ADIPOR2: variants seen among roughly 807,000 people sequenced by gnomAD.
ADIPOR2 encodes the protein adiponectin receptor protein 2.
In ADIPOR2, 18 loss-of-function variants were observed where a neutral mutation model predicts 40.9. The ratio of observed to expected loss-of-function variants is 0.44; its 90% CI spans 0.30 to 0.65. The LOEUF (loss-of-function observed/expected upper bound fraction) is 0.65. ADIPOR2 is among the 30% of genes least tolerant of loss of function. The pLI is 0.09. For missense variants in ADIPOR2, 283 were observed against 479.2 expected (o/e 0.59, Z 3.82); for synonymous variants, 165 against 166.4 (o/e 0.99, Z 0.06).
At chr12:1,695,656 T>TC in intron 1 of ADIPOR2, among the ~76,000 whole-genome samples, 1 of 98,808 alleles carries the variant, frequency 1.0e-5, no homozygotes, top group South Asian at 3.5e-4. Flanking sequence ...GGAGCAAAAC[T>TC]CCATCTCAAA....
At chr12:1,725,812 G>A (rs1436520053) in intron 1 of ADIPOR2, among the ~76,000 whole-genome samples, 1 of 152,096 alleles carries the variant, frequency 6.6e-6, no homozygotes, top group African/African-American at 2.4e-5. Flanking sequence ...GTCTTGGTGA[G>A]AAGTTCAATT....
intron 6 of ADIPOR2, among the ~76,000 whole-genome samples, chr12:1,783,663 C>T (rs933119106): frequency 6.6e-6 from 1 of 152,148 alleles, no homozygotes; most frequent in African/African-American, 2.4e-5. Context: ...CCGGCTGGCT[C>T]CTTGCATTTG....
chr12:1,691,540 C>T (rs2094627033), intron 1 of ADIPOR2, among the ~76,000 whole-genome samples: 1 of 152,238 alleles, frequency 6.6e-6, no homozygotes, highest in Non-Finnish European at 1.5e-5. Context: ...CTCCAGCTCC[C>T]TGCCCGCGGA....
At chr12:1,746,505 C>CA (rs879935639) in intron 1 of ADIPOR2, among the ~76,000 whole-genome samples, 6 of 151,006 alleles carry the variant, frequency 4.0e-5, no homozygotes, top group Non-Finnish European at 5.9e-5. Flanking sequence ...AAACAAAAAA[C>CA]AAAAAAAACC....
chr12:1,725,317 T>C (rs2154442315), intron 1 of ADIPOR2, among the ~76,000 whole-genome samples: 1 of 109,910 alleles, frequency 9.1e-6, no homozygotes, highest in East Asian at 2.4e-4. Context: ...GGGGTTTCAC[T>C]ATATGTTGGC....
At chr12:1,721,736 G>A (rs2094698319) in intron 1 of ADIPOR2, among the ~76,000 whole-genome samples, 1 of 152,178 alleles carries the variant, frequency 6.6e-6, no homozygotes, top group Non-Finnish European at 1.5e-5. Context: ...GTCAGGGAAG[G>A]ATCCTTTGAG....
chr12:1,731,240 G>A (rs773548290), intron 1 of ADIPOR2, among the ~76,000 whole-genome samples: 20 of 151,986 alleles, frequency 1.3e-4, no homozygotes, highest in African/African-American at 3.1e-4. Flanking sequence ...TTGTAGAGGC[G>A]GCATCTTATT....
intron 1 of ADIPOR2, among the ~76,000 whole-genome samples, chr12:1,692,715 A>G (rs1452053732): frequency 1.4e-5 from 2 of 144,294 alleles, no homozygotes; most frequent in Admixed American, 1.5e-4. Context: ...AATAGTATCA[A>G]TTTAGCTGGT....
rs530690121 is a variant in ADIPOR2, at chr12:1,714,950, A to C, written c.-87+23759A>C. ...CTGTCATCTGCTTTAAATCAGAGAG[A>C]GAGAGAAGGGGACATGTACCTGGGT... On this transcript the variant is annotated intron_variant, in intron 1 of 7. Coordinates refer to ENST00000357103, the MANE Select transcript of ADIPOR2 (RefSeq NM_024551.3). 1.3e-4 allele frequency among the ~76,000 whole-genome samples: 20 copies of C among 152,204 alleles called. 1 individual carries two copies. Among genetic ancestry groups the C allele is most frequent in the African/African-American group, 4.8e-4 (20 of 41,482 alleles).
intron 1 of ADIPOR2, among the ~76,000 whole-genome samples, chr12:1,746,717 C>A (rs1247569484): frequency 6.6e-6 from 1 of 152,120 alleles, no homozygotes; most frequent in Admixed American, 6.5e-5. Flanking sequence ...AACAACTAGA[C>A]AGATCTAGTC....
chr12:1,750,636 C>T (rs1225375534), intron 1 of ADIPOR2, among the ~76,000 whole-genome samples: 1 of 152,002 alleles, frequency 6.6e-6, no homozygotes, highest in African/African-American at 2.4e-5. Flanking sequence ...CTCATTATTT[C>T]TAGAATTTTT....
chr12:1,752,006 C>A (rs1304638434), intron 1 of ADIPOR2, among the ~76,000 whole-genome samples: 1 of 150,432 alleles, frequency 6.6e-6, no homozygotes, highest in Non-Finnish European at 1.5e-5. Context: ...CTCCCGGGTT[C>A]GAGCAATTCT....
rs147632665 is a variant in ADIPOR2, at chr12:1,754,284, T to C, written c.-60T>C. 376 of 1,446,286 alleles carry C rather than the reference T, an allele frequency of 2.6e-4. No homozygotes were observed. The highest frequency in any genetic ancestry group is 1.5e-3 in the South Asian group (93 of 60,040). 89.6% of individuals were successfully genotyped at this position (1,446,286 alleles called of 1,614,324 possible). ...ATCAACTCACTATCCTGAAGGTCCATTCTCCCAAGAAGAGGGGACAGAAAG... is the reference window on the plus strand; with the variant it reads ...ATCAACTCACTATCCTGAAGGTCCACTCTCCCAAGAAGAGGGGACAGAAAG... On this transcript the variant is annotated 5_prime_UTR_variant, in exon 2 of 8. Transcript: ENST00000357103.
rs182038182 is a variant in ADIPOR2, at chr12:1,750,641, A to T, written c.-86-3617A>T. 2.0e-5 allele frequency among the ~76,000 whole-genome samples: 3 copies of T among 151,612 alleles called. No homozygotes were observed. In the East Asian group the frequency reaches 5.8e-4, roughly 29 times the overall value. On this transcript the variant is annotated intron_variant, in intron 1 of 7. Transcript: ENST00000357103. ...TCTTCCTGAACTCATTATTTCTAGA[A>T]TTTTTTTTTGTAGATCCTCAGTAAC...
At chr12:1,766,654 CA>C (rs1306541011) in intron 2 of ADIPOR2, among the ~76,000 whole-genome samples, 1 of 152,164 alleles carries the variant, frequency 6.6e-6, no homozygotes, top group African/African-American at 2.4e-5. Flanking sequence ...AGAGGCATTT[CA>C]AACCAGGTTG....
rs564327246 is a variant in ADIPOR2 at position 1,761,789 on chromosome 12, G to A, written c.171+7275G>A. Reference sequence around the variant, plus strand: ...TCTAAGCCACCACCATCTTCCATCTGGAATACACCTGACAGGACTTCTGTT... The same window carrying A: ...TCTAAGCCACCACCATCTTCCATCTAGAATACACCTGACAGGACTTCTGTT... On this transcript the variant is annotated intron_variant, in intron 2 of 7. Transcript: ENST00000357103. Among the ~76,000 whole-genome samples, 6 of 152,240 alleles carry A rather than the reference G, an allele frequency of 3.9e-5. No homozygotes were observed. The South Asian group carries it at 1.2e-3, about 32-fold the overall frequency.
rs542648249 is a variant in ADIPOR2 at position 1,764,647 on chromosome 12, A to G, written c.172-8195A>G. Among the ~76,000 whole-genome samples, 8 of 152,186 alleles carry G rather than the reference A, an allele frequency of 5.3e-5. No individual in the cohort carries two copies. The South Asian group carries it at 1.7e-3, about 32-fold the overall frequency. ...ACTTTTATAAACTAGACACTCCTGT[A>G]TAACCAGCACTCCTGGAGGTCTCTT... On this transcript the variant is annotated intron_variant, in intron 2 of 7. Transcript: ENST00000357103.
intron 1 of ADIPOR2, among the ~76,000 whole-genome samples, chr12:1,706,054 C>A (rs2094661633): frequency 6.6e-6 from 1 of 152,180 alleles, no homozygotes; most frequent in Non-Finnish European, 1.5e-5. Flanking sequence ...AGTAAAGTAA[C>A]AATTCACCTT....
intron 1 of ADIPOR2, among the ~76,000 whole-genome samples, chr12:1,731,390 AG>A (rs2094719992): frequency 6.6e-6 from 1 of 152,218 alleles, no homozygotes; most frequent in Admixed American, 6.5e-5. Context: ...ACCATTTTAA[AG>A]GGTGCAGTTC....
Sources: allele counts gnomAD v4.1 joint callset (sites outside exome capture counted in the v4.1 genomes callset), GRCh38; gene constraint gnomAD v4.1.1; transcripts MANE v1.5; gene names NCBI Gene and HGNC (gene_info 2026-07-23, HGNC 2026-07-21).